Variants in WASHC4 observed in about 807,000 individuals in gnomAD.
WASHC4 encodes WASH complex subunit 4.
WASHC4 carries 86 observed loss-of-function variants against 166.6 expected under a neutral mutation model. That is an observed-to-expected ratio of 0.52 (90% CI 0.43 to 0.62). The LOEUF (loss-of-function observed/expected upper bound fraction) is 0.62, where lower values mean the gene tolerates loss of function less well. Among genes scored for constraint, WASHC4 ranks in the 20% least tolerant of loss-of-function variants. WASHC4 has a pLI of 0.00. For synonymous variants in WASHC4, 446 were observed against 451.6 expected, an observed-to-expected ratio of 0.99 and a Z score of 0.16; for missense variants, 1,262 against 1,382.4, an observed-to-expected ratio of 0.91 and a Z score of 1.38.
intron 26 of WASHC4, among the ~76,000 whole-genome samples, chr12:105,156,012 G>A (rs376727929): frequency 6.6e-6 from 1 of 152,182 alleles, no homozygotes; most frequent in African/African-American, 2.4e-5. Context: ...GTGATGGATT[G>A]GATAGGAGGA....
At chr12:105,153,112 T>G (rs1883896621) in intron 26 of WASHC4, among the ~76,000 whole-genome samples, 1 of 152,234 alleles carries the variant, frequency 6.6e-6, no homozygotes, top group Non-Finnish European at 1.5e-5. Flanking sequence ...TTTCTGGGAC[T>G]TAAACCAGGG....
intron 28 of WASHC4, among the ~76,000 whole-genome samples, chr12:105,158,669 G>A (rs1443948655): frequency 6.6e-6 from 1 of 152,084 alleles, no homozygotes; most frequent in Non-Finnish European, 1.5e-5. Context: ...GGAATAATTG[G>A]GGGACATTTG....
Position 105,144,772 on chromosome 12 carries a change from T to G in WASHC4, c.2234T>G (p.Leu745Arg), listed in dbSNP as rs1249430150. ...TTCTACAATCTAACAACTGTAGCCC[T>G]TCATGACTGGGCCACTTATAGTGAG... ...KTFYNLTTVA[L>R]HDWATYSEMR... Residue 745 changes from leucine to arginine, a missense_variant, in exon 22 of 33, where the codon CTT becomes CGT. Coordinates refer to ENST00000332180, the MANE Select transcript of WASHC4 (RefSeq NM_015275.3). The G allele has an allele frequency of 6.2e-7, 1 of 1,612,854 alleles. No homozygotes were observed. Among genetic ancestry groups the G allele is most frequent in the East Asian group, 2.2e-5 (1 of 44,818 alleles).
chr12:105,115,636 T>G (rs1032611262), intron 5 of WASHC4, 25 bp from the exon 6 acceptor site: 4 of 1,561,924 alleles, frequency 2.6e-6, no homozygotes, highest in Non-Finnish European at 3.5e-6. Flanking sequence ...AAATGAAATA[T>G]GCTTATTCAT....
Position 105,120,536 on chromosome 12 carries a change from G to C in WASHC4, c.519-19G>C, listed in dbSNP as rs1565997201. On this transcript the variant is annotated intron_variant, in intron 7 of 32. Coordinates refer to ENST00000332180, the MANE Select transcript of WASHC4 (RefSeq NM_015275.3). ...ACAAAAAGGAAGTTTTTTTTAACTT[G>C]GTTGTTATTTTATTATAGGATTGCA... The C allele has an allele frequency of 6.6e-7, 1 of 1,525,406 alleles. No homozygotes were observed. The highest frequency in any genetic ancestry group is 9.1e-7 in the Non-Finnish European group (1 of 1,100,428). The allele number at this position is 1,525,406 out of a possible 1,614,324, so 94.5% of individuals were successfully genotyped here.
chr12:105,115,124 C>T, intron 4 of WASHC4, 60 bp from the exon 5 acceptor site: 1 of 835,094 alleles, frequency 1.2e-6, no homozygotes. Flanking sequence ...TCTAAGAGAG[C>T]ATAGGAATTT....
intron 25 of WASHC4, 43 bp downstream of exon 25, chr12:105,149,792 A>C (rs1406051889): frequency 6.5e-7 from 1 of 1,546,632 alleles, no homozygotes; most frequent in Admixed American, 1.8e-5. Flanking sequence ...TAAGCTATTG[A>C]GTATATGGCA....
chr12:105,153,267 GTT>G (rs1420070089), intron 26 of WASHC4, among the ~76,000 whole-genome samples: 1 of 152,132 alleles, frequency 6.6e-6, no homozygotes, highest in Non-Finnish European at 1.5e-5. Flanking sequence ...CTAAGCATCT[GTT>G]ATGCCACATT....
chr12:105,139,953 G>A (rs1355399473), intron 15 of WASHC4, among the ~76,000 whole-genome samples: 3 of 150,234 alleles, frequency 2.0e-5, no homozygotes, highest in African/African-American at 2.5e-5. Flanking sequence ...GCGCCATCTC[G>A]GCTCACCTCA....
intron 15 of WASHC4, among the ~76,000 whole-genome samples, chr12:105,139,425 G>GTGTA: frequency 5.9e-4 from 61 of 103,226 alleles, no homozygotes; most frequent in Admixed American, 8.8e-4. Flanking sequence ...ATGTGTGTGT[G>GTGTA]TATATATATA....
In WASHC4 at chr12:105,111,166, C is replaced by T; in HGVS notation, c.103C>T (p.Leu35Phe). 6.2e-7 allele frequency: 1 copy of T among 1,607,320 alleles called. No homozygotes were observed. The change falls in exon 2 of 33, where the codon CTT becomes TTT. Residue 35 changes from leucine to phenylalanine, a missense_variant. Physicochemically the swap from Leu to Phe is conservative, Grantham distance 22. Transcript: ENST00000332180. Reference sequence around the variant, plus strand: ...CCAACTTAAGAATTATGGGAAATTTCTTGAGGAGTATACCTCTCAACTGAG... The same window carrying T: ...CCAACTTAAGAATTATGGGAAATTTTTTGAGGAGTATACCTCTCAACTGAG... ...EVQLKNYGKF[L>F]EEYTSQLRRI...
intron 30 of WASHC4, 40 bp downstream of exon 30, chr12:105,162,885 G>T: frequency 2.0e-6 from 2 of 1,025,234 alleles, no homozygotes; most frequent in South Asian, 1.3e-5. Flanking sequence ...ATTTTATATT[G>T]ACCTTGTAAT....
intron 6 of WASHC4, among the ~76,000 whole-genome samples, chr12:105,117,918 A>G (rs185173917): frequency 1.5e-3 from 224 of 152,366 alleles, no homozygotes; most frequent in African/African-American, 5.0e-3. Context: ...GTGATACGAC[A>G]TTTCACTTGC....
intron 22 of WASHC4, among the ~76,000 whole-genome samples, 164 bp from the exon 23 acceptor site, chr12:105,146,288 T>G (rs1024539573): frequency 1.3e-5 from 2 of 152,146 alleles, no homozygotes; most frequent in Non-Finnish European, 2.9e-5. Flanking sequence ...AAGGAGATAG[T>G]CTTGATTTGT....
chr12:105,113,430 A>G (rs1879878548), intron 2 of WASHC4, among the ~76,000 whole-genome samples: 2 of 152,050 alleles, frequency 1.3e-5, no homozygotes, highest in Admixed American at 1.3e-4. Context: ...AATCTTTACA[A>G]TCTTATTATA....
At chr12:105,148,982 C>T in intron 24 of WASHC4, 2 of 984,268 alleles carry the variant, frequency 2.0e-6, no homozygotes, top group East Asian at 1.1e-4. Flanking sequence ...CACACATGTA[C>T]TTAACATTCT....
intron 29 of WASHC4, 36 bp downstream of exon 29, chr12:105,160,184 T>G (rs764673122): frequency 1.3e-6 from 2 of 1,560,208 alleles, no homozygotes; most frequent in East Asian, 4.5e-5. Context: ...AATTTTTTTT[T>G]TAAAAAGAGT....
chr12:105,162,830 G>A lies in WASHC4; in HGVS notation c.3142G>A (p.Asp1048Asn). The change falls in exon 30 of 33, where the codon GAT becomes AAT. Residue 1048 changes from aspartate to asparagine, a missense_variant. By Grantham distance (23) the Asp-to-Asn change is conservative. Coordinates refer to ENST00000332180, the MANE Select transcript of WASHC4 (RefSeq NM_015275.3). ...KNKIGAAFTD[D>N]GFAMGVAYIL... is the part of the protein sequence containing the mutation. Reference sequence around the variant, plus strand: ...TAAAATTGGAGCTGCCTTTACTGATGATGGCTTTGCCATGGGTAAGCTTAA... The same window carrying A: ...TAAAATTGGAGCTGCCTTTACTGATAATGGCTTTGCCATGGGTAAGCTTAA... 6.3e-7 allele frequency: 1 copy of A among 1,586,036 alleles called. No individual in the cohort carries two copies. Among genetic ancestry groups the A allele is most frequent in the Non-Finnish European group, 8.6e-7 (1 of 1,157,516 alleles).
Position 105,144,809 on chromosome 12 carries a change from A to C in WASHC4, c.2271A>C (p.Leu757Phe). The change falls in exon 22 of 33, where the codon TTA (leucine) becomes TTC (phenylalanine). Residue 757 changes from leucine to phenylalanine, a missense_variant. Coordinates refer to ENST00000332180, the MANE Select transcript of WASHC4 (RefSeq NM_015275.3). ...CCACTTATAGTGAGATGAGAAACTT[A>C]GCTACTCAGCGTTATGGACTGGTTA... ...DWATYSEMRN[L>F]ATQRYGLVMT... 1 of 1,613,334 alleles carries C rather than the reference A, an allele frequency of 6.2e-7. No individual in the cohort carries two copies. The highest frequency in any genetic ancestry group is 8.5e-7 in the Non-Finnish European group (1 of 1,179,456).
Sources: allele counts gnomAD v4.1 joint callset (sites outside exome capture counted in the v4.1 genomes callset), GRCh38; gene constraint gnomAD v4.1.1; transcripts MANE v1.5; gene names NCBI Gene and HGNC (gene_info 2026-07-23, HGNC 2026-07-21).